Variants in MACROD2 observed in about 807,000 individuals in gnomAD.
MACROD2 encodes ADP-ribose glycohydrolase MACROD2.
Under a neutral mutation model 70.4 loss-of-function variants are expected in MACROD2, and 36 were observed. The ratio of observed to expected loss-of-function variants is 0.51; its 90% CI spans 0.39 to 0.68. The LOEUF (loss-of-function observed/expected upper bound fraction) is 0.68, where lower values mean the gene tolerates loss of function less well. MACROD2 is among the 30% of genes least tolerant of loss of function. The probability of loss-of-function intolerance (pLI) is 0.00; values close to 1 mark genes in which losing one functional copy is unlikely to be tolerated. For synonymous variants in MACROD2, 172 were observed against 178.8 expected (o/e 0.96, Z 0.30); for missense variants, 496 against 538.4 (o/e 0.92, Z 0.78).
At chr20:14,255,106 C>G (rs578211616) in intron 3 of MACROD2, among the ~76,000 whole-genome samples, 1 of 152,066 alleles carries the variant, frequency 6.6e-6, no homozygotes, top group African/African-American at 2.4e-5. Flanking sequence ...CTGAGAGATC[C>G]GCTGTTAGTC....
intron 1 of MACROD2, among the ~76,000 whole-genome samples, chr20:14,001,880 G>A (rs983722939): frequency 3.3e-5 from 5 of 152,058 alleles, no homozygotes; most frequent in Non-Finnish European, 7.4e-5. Context: ...AGGCCATGAG[G>A]GATCTGCTCC....
intron 5 of MACROD2, among the ~76,000 whole-genome samples, chr20:15,079,382 A>C (rs1217002584): frequency 1.3e-5 from 2 of 151,900 alleles, no homozygotes. Context: ...TGGTCTACCC[A>C]TCCTCACTCA....
At chr20:14,633,625 C>G (rs1289275834) in intron 4 of MACROD2, among the ~76,000 whole-genome samples, 1 of 152,132 alleles carries the variant, frequency 6.6e-6, no homozygotes, top group Non-Finnish European at 1.5e-5. Flanking sequence ...CCTCTTGGCT[C>G]CGAATTCTCC....
intron 5 of MACROD2, among the ~76,000 whole-genome samples, chr20:14,760,187 C>T (rs1279612929): frequency 6.6e-6 from 1 of 151,962 alleles, no homozygotes; most frequent in Non-Finnish European, 1.5e-5. Context: ...CACACAGGTC[C>T]CCACGTTTCC....
At chr20:14,460,734 C>T (rs1374589323) in intron 3 of MACROD2, among the ~76,000 whole-genome samples, 2 of 151,998 alleles carry the variant, frequency 1.3e-5, no homozygotes, top group Non-Finnish European at 2.9e-5. Context: ...TATTGATTTT[C>T]ATATGTTGAA....
chr20:15,037,458 T>G (rs2075321964), intron 5 of MACROD2, among the ~76,000 whole-genome samples: 1 of 152,242 alleles, frequency 6.6e-6, no homozygotes, highest in Admixed American at 6.5e-5. Flanking sequence ...GAGCAGGTAC[T>G]GCTGTTTATG....
At chr20:15,431,467 T>C (rs953270786) in intron 7 of MACROD2, 32 bp downstream of exon 7, 1 of 1,596,812 alleles carries the variant, frequency 6.3e-7, no homozygotes, top group Admixed American at 1.7e-5. Context: ...GATGTTTGTA[T>C]TTCTTTATTT....
At chr20:14,957,412 A>G (rs1349895775) in intron 5 of MACROD2, among the ~76,000 whole-genome samples, 1 of 152,192 alleles carries the variant, frequency 6.6e-6, no homozygotes, top group Non-Finnish European at 1.5e-5. Flanking sequence ...GCGAGTACTA[A>G]TAAGAACAGG....
intron 2 of MACROD2, among the ~76,000 whole-genome samples, chr20:14,047,248 C>T (rs1471473845): frequency 6.6e-6 from 1 of 151,974 alleles, no homozygotes; most frequent in Non-Finnish European, 1.5e-5. Context: ...AGTTCGAGAC[C>T]AGTCTGACCA....
intron 4 of MACROD2, among the ~76,000 whole-genome samples, chr20:14,602,722 A>G (rs73899211): frequency 0.019 from 2,900 of 152,278 alleles, 71 homozygotes; most frequent in African/African-American, 0.044. Context: ...AGTTTTCTAT[A>G]CTGTTCAGCA....
intron 3 of MACROD2, among the ~76,000 whole-genome samples, chr20:14,239,312 A>G (rs1393938209): frequency 6.6e-6 from 1 of 152,244 alleles, no homozygotes; most frequent in African/African-American, 2.4e-5. Flanking sequence ...AGCAATTTAC[A>G]GATTCAATGC....
At chr20:14,123,572 G>C (rs73612336) in intron 3 of MACROD2, among the ~76,000 whole-genome samples, 1 of 152,134 alleles carries the variant, frequency 6.6e-6, no homozygotes, top group Non-Finnish European at 1.5e-5. Flanking sequence ...ATAAAGTCCT[G>C]CCTCCCTAGA....
At chr20:15,462,335 A>G (rs983235849) in intron 7 of MACROD2, among the ~76,000 whole-genome samples, 1 of 152,196 alleles carries the variant, frequency 6.6e-6, no homozygotes, top group African/African-American at 2.4e-5. Context: ...GTGTGTTCTC[A>G]TTGTGTTTGC....
chr20:14,842,006 A>G (rs1440118637), intron 5 of MACROD2, among the ~76,000 whole-genome samples: 1 of 151,186 alleles, frequency 6.6e-6, no homozygotes, highest in East Asian at 2.0e-4. Flanking sequence ...GGTAACTTAC[A>G]AAGAAAAGAG....
chr20:14,269,612 A>C (rs1406106526), intron 3 of MACROD2, among the ~76,000 whole-genome samples: 1 of 152,166 alleles, frequency 6.6e-6, no homozygotes, highest in African/African-American at 2.4e-5. Context: ...TTTCAGGAAA[A>C]TAAGGTGAAA....
At chr20:15,432,859 G>A (rs1481321258) in intron 7 of MACROD2, among the ~76,000 whole-genome samples, 5 of 152,088 alleles carry the variant, frequency 3.3e-5, no homozygotes, top group Admixed American at 3.3e-4. Flanking sequence ...GGGAATTGAT[G>A]TAATATATAT....
At chr20:16,019,112 A>G (rs1404731667) in intron 15 of MACROD2, among the ~76,000 whole-genome samples, 1 of 152,252 alleles carries the variant, frequency 6.6e-6, no homozygotes, top group Admixed American at 6.5e-5. Flanking sequence ...TGAATGAGTC[A>G]TAGAAATAGG....
chr20:14,793,131 A>G (rs1317637137), intron 5 of MACROD2, among the ~76,000 whole-genome samples: 1 of 151,974 alleles, frequency 6.6e-6, no homozygotes, highest in Non-Finnish European at 1.5e-5. Context: ...ATTTTTCCTT[A>G]GTCATTTATT....
intron 6 of MACROD2, among the ~76,000 whole-genome samples, chr20:15,249,563 G>C (rs146633191): frequency 1.4e-4 from 22 of 152,184 alleles, no homozygotes; most frequent in Non-Finnish European, 2.6e-4. Flanking sequence ...GGCACCCAAG[G>C]CTCCATAGCA....
Sources: allele counts gnomAD v4.1 joint callset (sites outside exome capture counted in the v4.1 genomes callset), GRCh38; gene constraint gnomAD v4.1.1; transcripts MANE v1.5; gene names NCBI Gene and HGNC (gene_info 2026-07-23, HGNC 2026-07-21).